Variants in TENM1 observed in about 807,000 individuals in gnomAD.
TENM1 encodes the protein teneurin-1.
TENM1 carries 35 observed loss-of-function variants against 174.8 expected under a neutral mutation model. The ratio of observed to expected loss-of-function variants is 0.20; its 90% confidence interval spans 0.15 to 0.27. The LOEUF (loss-of-function observed/expected upper bound fraction) is 0.27. Ranked by LOEUF, TENM1 falls within the 10% of genes least tolerant of loss-of-function variation. TENM1 has a pLI of 1.00. For synonymous variants in TENM1, 781 were observed against 798.7 expected (o/e 0.98, Z 0.37); for missense variants, 1,633 against 2,130.1 (o/e 0.77, Z 4.59).
chrX:124,627,139 A>C (rs765835589), intron 11 of TENM1, among the ~76,000 whole-genome samples: 12 of 111,549 alleles, frequency 1.1e-4, no homozygotes, highest in African/African-American at 3.6e-4. Flanking sequence ...AGAGGCTTTC[A>C]CACACTATGG....
At chrX:125,093,404 T>C in the TENM1 span, among the ~76,000 whole-genome samples, 3 of 111,819 alleles carry the variant, frequency 2.7e-5, no homozygotes, top group African/African-American at 9.7e-5. Context: ...TAAAGTATCA[T>C]ACATATATTC....
chrX:124,745,344 T>C (rs2053891961), intron 3 of TENM1, among the ~76,000 whole-genome samples: 1 of 111,438 alleles, frequency 9.0e-6, no homozygotes. Context: ...GATGTCACTA[T>C]TATAGCAGTA....
intron 1 of TENM1, among the ~76,000 whole-genome samples, chrX:124,945,291 A>T (rs773967910): frequency 9.0e-6 from 1 of 111,553 alleles, no homozygotes; most frequent in Non-Finnish European, 1.9e-5. Context: ...GAGTAGCAGG[A>T]GATGGAGTCA....
intron 18 of TENM1, among the ~76,000 whole-genome samples, chrX:124,514,678 G>A (rs747734478): frequency 9.0e-6 from 1 of 110,894 alleles, no homozygotes; most frequent in Non-Finnish European, 1.9e-5. Context: ...AACGGAATCA[G>A]TAATAAATAG....
chrX:125,036,399 G>T, the TENM1 span, among the ~76,000 whole-genome samples: 4 of 111,923 alleles, frequency 3.6e-5, no homozygotes, highest in Non-Finnish European at 7.5e-5. Context: ...ACTTACGTTT[G>T]AAATGCTTGT....
intron 1 of TENM1, among the ~76,000 whole-genome samples, chrX:124,908,073 AAATG>A (rs2057777370): frequency 8.9e-6 from 1 of 112,289 alleles, no homozygotes; most frequent in Non-Finnish European, 1.9e-5. Context: ...CCTGGGGCAG[AAATG>A]AATGGAGGTC....
chrX:124,711,905 T>C (rs1356938936), intron 4 of TENM1, among the ~76,000 whole-genome samples: 1 of 111,924 alleles, frequency 8.9e-6, no homozygotes, highest in Non-Finnish European at 1.9e-5. Flanking sequence ...TTCTATGATT[T>C]TGACTACTTT....
chrX:124,637,846 G>A (rs1240925986), intron 11 of TENM1, among the ~76,000 whole-genome samples: 1 of 111,888 alleles, frequency 8.9e-6, no homozygotes, highest in African/African-American at 3.3e-5. Flanking sequence ...ACATGCTGTC[G>A]GAGACATAAT....
At chrX:124,533,107 C>A (rs2048141110) in intron 15 of TENM1, among the ~76,000 whole-genome samples, 1 of 112,169 alleles carries the variant, frequency 8.9e-6, no homozygotes, top group Non-Finnish European at 1.9e-5. Context: ...CTTTCCCAGG[C>A]AGGCTACATC....
At chrX:124,820,662 T>C (rs778661005) in intron 3 of TENM1, among the ~76,000 whole-genome samples, 6 of 112,632 alleles carry the variant, frequency 5.3e-5, no homozygotes, top group Admixed American at 4.7e-4. Context: ...ACTATGTATA[T>C]GGTTACATAG....
chrX:124,771,447 C>A (rs1011815575), intron 3 of TENM1, among the ~76,000 whole-genome samples: 4 of 112,470 alleles, frequency 3.6e-5, no homozygotes, highest in Non-Finnish European at 7.5e-5. Flanking sequence ...AATGACAGAT[C>A]CCAGATTCCC....
At chrX:124,686,011 A>G (rs2052355765) in intron 5 of TENM1, among the ~76,000 whole-genome samples, 1 of 112,416 alleles carries the variant, frequency 8.9e-6, no homozygotes, top group Admixed American at 9.4e-5. Context: ...AGAATCCAAA[A>G]TAGAAATAGA....
At chrX:124,736,935 G>A in intron 4 of TENM1, 22 bp downstream of exon 7, 1 of 1,186,586 alleles carries the variant, frequency 8.4e-7, no homozygotes, top group African/African-American at 1.7e-5. Flanking sequence ...AAGTTTAGTG[G>A]GATCAATAAT....
chrX:124,655,120 C>T (rs1198585789), intron 6 of TENM1, among the ~76,000 whole-genome samples: 2 of 111,484 alleles, frequency 1.8e-5, no homozygotes, highest in Non-Finnish European at 3.8e-5. Flanking sequence ...GCATGGTCTA[C>T]AGCCCACACC....
At chrX:124,750,813 C>A (rs994578175) in intron 3 of TENM1, among the ~76,000 whole-genome samples, 1 of 111,840 alleles carries the variant, frequency 8.9e-6, no homozygotes, top group African/African-American at 3.2e-5. Flanking sequence ...ACAAACAACA[C>A]CAACTGTGCT....
intron 1 of TENM1, among the ~76,000 whole-genome samples, chrX:124,954,551 C>G (rs978973651): frequency 1.8e-5 from 2 of 111,578 alleles, no homozygotes; most frequent in Non-Finnish European, 3.8e-5. Context: ...CCCAGACCAT[C>G]TGTGGTTTTG....
At chrX:124,678,781 A>T (rs2052156552) in intron 5 of TENM1, among the ~76,000 whole-genome samples, 1 of 111,296 alleles carries the variant, frequency 9.0e-6, no homozygotes, top group African/African-American at 3.3e-5. Context: ...GAATAAGGAA[A>T]ATTTGGGTGT....
At chrX:125,016,428 CAGAG>C in the TENM1 span, among the ~76,000 whole-genome samples, 4 of 111,168 alleles carry the variant, frequency 3.6e-5, no homozygotes, top group African/African-American at 1.3e-4. Context: ...AATAGACAAA[CAGAG>C]AGCTAAATCA....
Position 124,520,510 on chromosome X carries a change from A to C in TENM1, c.3301+7T>G, listed in dbSNP as rs1424646275. ...ACTGCTATTTACATATAATTAGTTCAACATACCCAAAGCCTCTGCCAGGCC... is the reference window on the plus strand; with the variant it reads ...ACTGCTATTTACATATAATTAGTTCCACATACCCAAAGCCTCTGCCAGGCC... On this transcript the variant is annotated splice_region_variant and intron_variant, in intron 18 of 31. Transcript: ENST00000422452. 8.4e-7 allele frequency: 1 copy of C among 1,197,153 alleles called. No homozygotes were observed. Among genetic ancestry groups the C allele is most frequent in the Non-Finnish European group, 1.1e-6 (1 of 885,208 alleles).
Sources: allele counts gnomAD v4.1 joint callset (sites outside exome capture counted in the v4.1 genomes callset), GRCh38; gene constraint gnomAD v4.1.1; transcripts MANE v1.5; gene names NCBI Gene and HGNC (gene_info 2026-07-23, HGNC 2026-07-21).